KLHL1: variants seen among roughly 807,000 people sequenced by gnomAD.
KLHL1 encodes the protein kelch-like protein 1.
Under a neutral mutation model 77.7 loss-of-function variants are expected in KLHL1, and 47 were observed. The ratio of observed to expected loss-of-function variants is 0.60; its 90% CI spans 0.48 to 0.77. KLHL1 has a LOEUF of 0.77. KLHL1 is among the 30% of genes least tolerant of loss of function. The pLI, the probability that KLHL1 is intolerant of heterozygous loss-of-function variation, is 0.00. For synonymous variants in KLHL1, 360 were observed against 325.2 expected, an observed-to-expected ratio of 1.11 and a Z score of -1.15; for missense variants, 925 against 910.8, an observed-to-expected ratio of 1.02 and a Z score of -0.20.
chr13:69,739,532 CAAAAT>C (rs1024858804), intron 8 of KLHL1, among the ~76,000 whole-genome samples: 2 of 151,874 alleles, frequency 1.3e-5, no homozygotes, highest in African/African-American at 4.8e-5. Flanking sequence ...CATACACAGA[CAAAAT>C]AAAAGGATGG....
intron 1 of KLHL1, among the ~76,000 whole-genome samples, chr13:70,101,620 G>T (rs1887925733): frequency 6.6e-6 from 1 of 151,914 alleles, no homozygotes; most frequent in African/African-American, 2.4e-5. Context: ...GTAGAGATGG[G>T]GTTTCACCAT....
At chr13:69,970,290 CT>C (rs1431497830) in intron 2 of KLHL1, among the ~76,000 whole-genome samples, 2 of 152,142 alleles carry the variant, frequency 1.3e-5, no homozygotes, top group African/African-American at 4.8e-5. Context: ...AGCTTTCCCA[CT>C]GATATTTTCT....
intron 4 of KLHL1, among the ~76,000 whole-genome samples, chr13:69,914,575 G>A (rs1441577846): frequency 6.6e-6 from 1 of 152,096 alleles, no homozygotes; most frequent in Admixed American, 6.6e-5. Flanking sequence ...ATTAATTTTA[G>A]CTAAGCACTA....
chr13:69,837,651 T>TAC (rs1566309024), intron 6 of KLHL1, among the ~76,000 whole-genome samples: 14 of 132,764 alleles, frequency 1.1e-4, no homozygotes, highest in African/African-American at 4.5e-4. Context: ...TATGTGTATA[T>TAC]ATATATGTGT....
At chr13:69,905,994 C>T (rs1404440204) in intron 4 of KLHL1, among the ~76,000 whole-genome samples, 1 of 151,972 alleles carries the variant, frequency 6.6e-6, no homozygotes, top group African/African-American at 2.4e-5. Context: ...AATTGATGTC[C>T]CCAAATTAAT....
At chr13:70,100,938 A>T (rs1887909214) in intron 1 of KLHL1, among the ~76,000 whole-genome samples, 1 of 152,158 alleles carries the variant, frequency 6.6e-6, no homozygotes, top group Non-Finnish European at 1.5e-5. Context: ...CAGAAACTTG[A>T]TTTAATTCCA....
Position 70,021,471 on chromosome 13 carries a change from A to T in KLHL1, c.498-45669T>A, listed in dbSNP as rs543028751. On this transcript the variant is annotated intron_variant, in intron 1 of 10. Coordinates refer to ENST00000377844, the MANE Select transcript of KLHL1 (RefSeq NM_020866.3). ...AATTATTAATAAAGCTGCTATAAAC[A>T]TACCTATGCTGGTTCTTGTGTAGTC... Among the ~76,000 whole-genome samples the T allele has an allele frequency of 5.3e-5, 8 of 152,216 alleles. 1 individual carries two copies. The South Asian group carries it at 8.3e-4, about 16-fold the overall frequency.
intron 1 of KLHL1, among the ~76,000 whole-genome samples, chr13:70,102,116 G>A (rs933812143): frequency 2.0e-5 from 3 of 152,068 alleles, no homozygotes; most frequent in Non-Finnish European, 4.4e-5. Context: ...CATTTTCAAA[G>A]TTGGTTATCC....
chr13:70,033,206 T>A (rs900672152), intron 1 of KLHL1, among the ~76,000 whole-genome samples: 1 of 152,230 alleles, frequency 6.6e-6, no homozygotes, highest in Non-Finnish European at 1.5e-5. Flanking sequence ...ACCTAAGTAA[T>A]GAGGGAAAAG....
At chr13:69,705,348 G>A (rs1209789813) in intron 10 of KLHL1, among the ~76,000 whole-genome samples, 1 of 151,566 alleles carries the variant, frequency 6.6e-6, no homozygotes, top group East Asian at 1.9e-4. Flanking sequence ...TAAAACAAAA[G>A]CACAAAACTG....
chr13:69,942,025 A>T (rs1045565438), intron 3 of KLHL1, among the ~76,000 whole-genome samples: 8 of 152,056 alleles, frequency 5.3e-5, no homozygotes, highest in Admixed American at 5.3e-4. Context: ...CCAGACATTC[A>T]AAGGAGAGTT....
At chr13:69,732,092 A>C (rs552706536) in intron 8 of KLHL1, among the ~76,000 whole-genome samples, 1 of 152,172 alleles carries the variant, frequency 6.6e-6, no homozygotes, top group Non-Finnish European at 1.5e-5. Flanking sequence ...ATATCGTGTA[A>C]GAAAAGTTAA....
At chr13:69,849,230 T>G (rs780704605) in intron 5 of KLHL1, among the ~76,000 whole-genome samples, 2 of 151,580 alleles carry the variant, frequency 1.3e-5, no homozygotes, top group African/African-American at 2.4e-5. Flanking sequence ...TCTGTTCCCC[T>G]AAAACATCTT....
At chr13:69,975,040 G>T (rs1452941450) in intron 2 of KLHL1, among the ~76,000 whole-genome samples, 1 of 151,802 alleles carries the variant, frequency 6.6e-6, no homozygotes, top group Non-Finnish European at 1.5e-5. Context: ...TTTCTATCAT[G>T]GTAGAAATAC....
intron 7 of KLHL1, among the ~76,000 whole-genome samples, chr13:69,782,204 AACAGCTCCGGTCT>A (rs1377543220): frequency 1.3e-5 from 2 of 152,202 alleles, no homozygotes; most frequent in South Asian, 4.1e-4. Flanking sequence ...GCCGAACAGG[AACAGCTCCGGTCT>A]ACAGCTCCCA....
chr13:70,052,776 A>G (rs1277615119), intron 1 of KLHL1, among the ~76,000 whole-genome samples: 1 of 151,950 alleles, frequency 6.6e-6, no homozygotes, highest in African/African-American at 2.4e-5. Context: ...TAATTTCAAC[A>G]TAATTAGGGG....
chr13:69,973,226 C>T (rs1428777433), intron 2 of KLHL1, among the ~76,000 whole-genome samples: 1 of 151,758 alleles, frequency 6.6e-6, no homozygotes, highest in African/African-American at 2.4e-5. Context: ...TGACCAATAT[C>T]AAGTTAAAAA....
chr13:69,882,258 T>C, intron 5 of KLHL1, 25 bp downstream of exon 5: 1 of 1,518,922 alleles, frequency 6.6e-7, no homozygotes, highest in Non-Finnish European at 9.1e-7. Context: ...ATTGAATCTA[T>C]TTAAACAGCG....
rs905082922 is a variant in KLHL1 at position 69,766,483 on chromosome 13, C to CAT, written c.1640-25929_1640-25928dup. 6.0e-3 allele frequency among the ~76,000 whole-genome samples: 880 copies of CAT among 147,684 alleles called. 6 individuals carry two copies. Among genetic ancestry groups the CAT allele is most frequent in the African/African-American group, 0.019 (757 of 40,486 alleles). On this transcript the variant is annotated intron_variant, in intron 7 of 10. Coordinates refer to ENST00000377844, the MANE Select transcript of KLHL1 (RefSeq NM_020866.3). ...GTCACCTAATTTTTATATATATATA[C>CAT]ATATATATATATATTTAGAGTGCTT...
Sources: gnomAD v4.1 joint callset for allele counts (sites outside exome capture counted in the v4.1 genomes callset) on GRCh38, gnomAD v4.1.1 for gene constraint, MANE v1.5 for transcripts, NCBI Gene and HGNC (gene_info 2026-07-23, HGNC 2026-07-21) for gene names.